Variants in CLASRP observed in about 807,000 individuals in gnomAD.
The protein encoded by CLASRP is CLK4 associating serine/arginine rich protein.
In CLASRP, 52 loss-of-function variants were observed where a neutral mutation model predicts 99.9. The ratio of observed to expected loss-of-function variants is 0.52; its 90% confidence interval spans 0.42 to 0.66. The LOEUF is 0.66. CLASRP is among the 30% of genes least tolerant of loss of function. The pLI is 0.00. For missense variants in CLASRP, 848 were observed against 999.2 expected, an observed-to-expected ratio of 0.85 and a Z score of 2.04; for synonymous variants, 379 against 373.0, an observed-to-expected ratio of 1.02 and a Z score of -0.18.
At chr19:45,062,342 G>T in intron 11 of CLASRP, 147 bp downstream of exon 11, 1 of 596,538 alleles carries the variant, frequency 1.7e-6, no homozygotes, top group South Asian at 2.3e-5. Context: ...AATCATTTTT[G>T]TGTTTTCCAG....
intron 4 of CLASRP, 53 bp downstream of exon 4, chr19:45,052,945 T>C (rs1972053388): frequency 6.4e-7 from 1 of 1,552,674 alleles, no homozygotes; most frequent in Admixed American, 1.8e-5. Context: ...CAGGAGCCCC[T>C]GTTCTTTTCC....
intron 8 of CLASRP, among the ~76,000 whole-genome samples, chr19:45,059,673 C>T (rs1966895167): frequency 6.6e-6 from 1 of 152,212 alleles, no homozygotes; most frequent in Admixed American, 6.5e-5. Context: ...GCTTCATTCC[C>T]TGGTTATTTA....
intron 10 of CLASRP, among the ~76,000 whole-genome samples, chr19:45,061,186 T>G (rs1237286994): frequency 2.0e-5 from 3 of 152,118 alleles, no homozygotes; most frequent in African/African-American, 7.2e-5. Context: ...ATGCCTCTTT[T>G]TGCCACATCT....
At chr19:45,042,513 A>T (rs559021060) in intron 2 of CLASRP, among the ~76,000 whole-genome samples, 20 of 150,130 alleles carry the variant, frequency 1.3e-4, no homozygotes, top group African/African-American at 4.1e-4. Context: ...AAAAAAATTT[A>T]TATATATATA....
chr19:45,043,055 G>A (rs1971843172), intron 2 of CLASRP, among the ~76,000 whole-genome samples: 1 of 152,138 alleles, frequency 6.6e-6, no homozygotes, highest in African/African-American at 2.4e-5. Flanking sequence ...CCTTCAGGCT[G>A]TGCTTATAAA....
intron 7 of CLASRP, among the ~76,000 whole-genome samples, chr19:45,058,911 C>T (rs2122575705): frequency 6.6e-6 from 1 of 152,078 alleles, no homozygotes; most frequent in South Asian, 2.1e-4. Context: ...CCTCCATCCA[C>T]CCATCCCTCC....
Position 45,056,481 on chromosome 19 carries a change from C to T in CLASRP, c.411C>T (p.Tyr137=). ...ISEEQCLYQI[Y]IDELYGGLQR... is the part of the protein sequence containing the mutation. Reference sequence around the variant, plus strand: ...AGGAGCAGTGCCTGTACCAGATCTACATTGATGAGTTGTACGGAGGCCTCC... The same window carrying T: ...AGGAGCAGTGCCTGTACCAGATCTATATTGATGAGTTGTACGGAGGCCTCC... The change falls in exon 6 of 21, where the codon TAC becomes TAT. Residue 137 remains tyrosine, a synonymous_variant. Coordinates refer to ENST00000221455, the MANE Select transcript of CLASRP (RefSeq NM_007056.3). The T allele has an allele frequency of 4.3e-6, 7 of 1,613,992 alleles. No individual in the cohort carries two copies. The highest frequency in any genetic ancestry group is 5.9e-6 in the Non-Finnish European group (7 of 1,179,980).
At chr19:45,055,355 G>A (rs934673743) in intron 5 of CLASRP, among the ~76,000 whole-genome samples, 8 of 152,200 alleles carry the variant, frequency 5.3e-5, no homozygotes, top group Non-Finnish European at 1.2e-4. Context: ...ACACTGGAGG[G>A]GCAGAGAGAA....
At chr19:45,052,698 C>T (rs573395400) in intron 3 of CLASRP, 93 bp from the exon 4 acceptor site, 30 of 902,076 alleles carry the variant, frequency 3.3e-5, no homozygotes, top group Non-Finnish European at 4.7e-5. Flanking sequence ...GAGGGCCAGG[C>T]TTCTAAGCCT....
At chr19:45,068,338 A>AACC in intron 15 of CLASRP, 82 bp from the exon 16 acceptor site, 1 of 590,952 alleles carries the variant, frequency 1.7e-6, no homozygotes, top group Admixed American at 2.6e-5. Flanking sequence ...CCCCGCACAA[A>AACC]GCCCCAGGCT....
At chr19:45,055,428 C>G (rs765465263) in intron 5 of CLASRP, among the ~76,000 whole-genome samples, 1 of 152,218 alleles carries the variant, frequency 6.6e-6, no homozygotes, top group African/African-American at 2.4e-5. Flanking sequence ...AGCAGGGCCT[C>G]TCTTGGGCTT....
Position 45,054,259 on chromosome 19 carries a change from GT to G in CLASRP, c.379+1090del, listed in dbSNP as rs531871268. Among the ~76,000 whole-genome samples, 1,001 of 151,804 alleles carry G rather than the reference GT, an allele frequency of 6.6e-3. 14 individuals are homozygous for G. Among genetic ancestry groups the G allele is most frequent in the African/African-American group, 0.023 (960 of 41,402 alleles). ...GTGACACCCCGTTTTGGGGTTTTTT[GT>G]TTTTTTTGAGATTGAGTCTTACTCT... On this transcript the variant is annotated intron_variant, in intron 5 of 20. Coordinates refer to ENST00000221455, the MANE Select transcript of CLASRP (RefSeq NM_007056.3).
intron 2 of CLASRP, among the ~76,000 whole-genome samples, 181 bp from the exon 3 acceptor site, chr19:45,051,890 C>T (rs966595819): frequency 6.6e-6 from 1 of 151,980 alleles, no homozygotes; most frequent in South Asian, 2.1e-4. Context: ...ATGGCGTGAA[C>T]CTGGGAAGCA....
At position 45,070,004 on chromosome 19, in the gene CLASRP, C is replaced by T. The variant is rs761181070; in HGVS notation, c.1875-18C>T. ...TGTCCAGTGTTCCCGGCCAGATGCT[C>T]ATGCCATGCCTTCGCAGGGAGCGGG... On this transcript the variant is annotated intron_variant, in intron 18 of 20. Coordinates refer to ENST00000221455, the MANE Select transcript of CLASRP (RefSeq NM_007056.3). 19 of 1,466,958 alleles carry T rather than the reference C, an allele frequency of 1.3e-5. No homozygotes were observed. The highest frequency in any genetic ancestry group is 2.3e-5 in the East Asian group (1 of 44,224). The allele number at this position is 1,466,958 out of a possible 1,614,324, so 90.9% of individuals were successfully genotyped here.
At chr19:45,044,951 T>C (rs1311253219) in intron 2 of CLASRP, among the ~76,000 whole-genome samples, 1 of 152,216 alleles carries the variant, frequency 6.6e-6, no homozygotes, top group East Asian at 1.9e-4. Context: ...TGTGAAAGGA[T>C]GTCACATGGA....
At chr19:45,069,004 A>T in intron 16 of CLASRP, 62 bp from the exon 17 acceptor site, 1 of 1,421,604 alleles carries the variant, frequency 7.0e-7, no homozygotes, top group Non-Finnish European at 9.7e-7. Context: ...AAAAAAAAAA[A>T]GAAAAAAGAG....
chr19:45,060,779 G>A lies in CLASRP; in HGVS notation c.863+152G>A, dbSNP rs1966922235. On this transcript the variant is annotated intron_variant, in intron 10 of 20. Coordinates refer to ENST00000221455, the MANE Select transcript of CLASRP (RefSeq NM_007056.3). The surrounding 1 kb of genome is among the most constrained non-coding windows in gnomAD (Gnocchi z 4.6). ...GCATGGCCATCGTGAAGGTTTAGAG[G>A]TAGGAACGGCCTTGAGGGCCATGTG... 1.2e-5 allele frequency: 8 copies of A among 675,060 alleles called. No individual in the cohort carries two copies. The highest frequency in any genetic ancestry group is 1.8e-5 in the Non-Finnish European group (7 of 397,230). The allele number at this position is 675,060 out of a possible 1,614,324, so 41.8% of individuals were successfully genotyped here. A position where few individuals can be genotyped will look rare whatever the true frequency, so the allele number is the denominator to read the frequency against.
At chr19:45,066,622 CAAAAAAAAA>C (rs35834419) in intron 13 of CLASRP, among the ~76,000 whole-genome samples, 6 of 18,642 alleles carry the variant, frequency 3.2e-4, no homozygotes, top group South Asian at 2.0e-3. Context: ...GAGACTGTCT[CAAAAAAAAA>C]AAAAAAAAAA....
chr19:45,069,025 T>C (rs1279295128), intron 16 of CLASRP, 41 bp from the exon 17 acceptor site: 1 of 1,572,862 alleles, frequency 6.4e-7, no homozygotes, highest in Non-Finnish European at 8.7e-7. Context: ...AGTGGGGCTC[T>C]TAAGGGAACC....
Sources: allele counts gnomAD v4.1 joint callset (sites outside exome capture counted in the v4.1 genomes callset), GRCh38; gene constraint gnomAD v4.1.1; non-coding constraint Gnocchi (gnomAD v3.1); transcripts MANE v1.5; gene names NCBI Gene and HGNC (gene_info 2026-07-23, HGNC 2026-07-21).